Variants in PCDHGA2 observed in about 807,000 individuals in gnomAD.
PCDHGA2 encodes protocadherin gamma-A2.
A neutral mutation model predicts 59.2 loss-of-function variants in PCDHGA2; 40 were observed. The ratio of observed to expected loss-of-function variants is 0.68; its 90% CI spans 0.52 to 0.88. The LOEUF is 0.88. Among genes scored for constraint, PCDHGA2 ranks in the 40% least tolerant of loss-of-function variants. The pLI is 0.00. For missense variants in PCDHGA2, 1,226 were observed against 1,204.0 expected (o/e 1.02, Z -0.27); for synonymous variants, 560 against 526.0 (o/e 1.06, Z -0.89).
At chr5:141,422,618 A>G in intron 1 of PCDHGA2, 3 of 1,613,682 alleles carry the variant, frequency 1.9e-6, no homozygotes, top group Non-Finnish European at 2.5e-6. Flanking sequence ...TACATTCCCG[A>G]AAACAACCCC....
chr5:141,409,828 C>T (rs2154542180), intron 1 of PCDHGA2: 1 of 1,611,128 alleles, frequency 6.2e-7, no homozygotes, highest in Non-Finnish European at 8.5e-7. Flanking sequence ...CGCCCACGCT[C>T]AGCGCCAACG....
At chr5:141,484,300 C>G (rs927710366) in intron 1 of PCDHGA2, among the ~76,000 whole-genome samples, 1 of 152,190 alleles carries the variant, frequency 6.6e-6, no homozygotes, top group Non-Finnish European at 1.5e-5. Context: ...CTCCTGGCTT[C>G]CTCCACCCCG....
intron 1 of PCDHGA2, chr5:141,355,189 G>T (rs1414390153): frequency 6.3e-7 from 1 of 1,590,758 alleles, no homozygotes; most frequent in Non-Finnish European, 8.6e-7. Flanking sequence ...GCGACTCCGC[G>T]GCGGGGTTGT....
chr5:141,388,789 T>A (rs2091491529), intron 1 of PCDHGA2: 1 of 1,613,948 alleles, frequency 6.2e-7, no homozygotes, highest in Non-Finnish European at 8.5e-7. Context: ...ATTACTGTTT[T>A]AAATACATTA....
intron 1 of PCDHGA2, chr5:141,350,743 C>G (rs1342170939): frequency 6.2e-7 from 1 of 1,613,930 alleles, no homozygotes; most frequent in East Asian, 2.2e-5. Context: ...ATGTGGAAGG[C>G]AATTCACTGA....
chr5:141,406,976 A>G (rs773444464), intron 1 of PCDHGA2, among the ~76,000 whole-genome samples: 12 of 152,244 alleles, frequency 7.9e-5, no homozygotes, highest in Non-Finnish European at 1.8e-4. Flanking sequence ...AGTAAATAAC[A>G]TTTCACAAGA....
chr5:141,362,319 G>A (rs1561526450), intron 1 of PCDHGA2: 1 of 1,614,068 alleles, frequency 6.2e-7, no homozygotes, highest in Non-Finnish European at 8.5e-7. Flanking sequence ...ACTGTTTTCA[G>A]CCTGGTCTCA....
At chr5:141,377,524 G>A (rs574411289) in intron 1 of PCDHGA2, 3 of 151,920 alleles carry the variant, frequency 2.0e-5, no homozygotes, top group Admixed American at 6.6e-5. Context: ...TAAGTCCAGG[G>A]GTATGAGGCT....
At chr5:141,415,695 T>C (rs1284418994) in intron 1 of PCDHGA2, 1 of 1,537,350 alleles carries the variant, frequency 6.5e-7, no homozygotes, top group South Asian at 1.2e-5. Context: ...TGGTGGAAAG[T>C]GTAAATGCTA....
chr5:141,482,126 A>G (rs1235540230), intron 1 of PCDHGA2, among the ~76,000 whole-genome samples: 1 of 152,004 alleles, frequency 6.6e-6, no homozygotes, highest in Non-Finnish European at 1.5e-5. Flanking sequence ...TGGGAGAATC[A>G]TATGGCTGGC....
At position 141,432,834 on chromosome 5, in the gene PCDHGA2, A is replaced by G; in HGVS notation, c.2425-61973A>G. 6.2e-7 allele frequency: 1 copy of G among 1,614,082 alleles called. No homozygotes were observed. The highest frequency in any genetic ancestry group is 8.5e-7 in the Non-Finnish European group (1 of 1,179,978). ...TCTGAAACCTCAGACCTCACTCTGTACCTGGTGGTAGCGGTGGCCGCGGTC... is the reference window on the plus strand; with the variant it reads ...TCTGAAACCTCAGACCTCACTCTGTGCCTGGTGGTAGCGGTGGCCGCGGTC... On this transcript the variant is annotated intron_variant, in intron 1 of 3. Transcript: ENST00000394576. This position sits in a 1 kb window ranked among gnomAD's most constrained non-coding sequence, Gnocchi z 6.0.
chr5:141,491,702 T>A lies in PCDHGA2; in HGVS notation c.2425-3105T>A. The A allele has an allele frequency of 6.2e-7, 1 of 1,611,514 alleles. No homozygotes were observed. Among genetic ancestry groups the A allele is most frequent in the Non-Finnish European group, 8.5e-7 (1 of 1,178,984 alleles). ...AATACGCTGCGGGAGCGGAGCCAGG[T>A]GAGGGGCTCGGCGCCGCCCCGGGCG... On this transcript the variant is annotated intron_variant, in intron 1 of 3. Coordinates refer to ENST00000394576, the MANE Select transcript of PCDHGA2 (RefSeq NM_018915.4). The surrounding 1 kb of genome is among the most constrained non-coding windows in gnomAD (Gnocchi z 6.9).
intron 1 of PCDHGA2, chr5:141,355,527 T>G (rs763714281): frequency 6.2e-7 from 1 of 1,614,060 alleles, no homozygotes; most frequent in Non-Finnish European, 8.5e-7. Flanking sequence ...TGGAGATTCT[T>G]CTAGAAGATA....
chr5:141,462,599 T>TGG (rs2099043404), intron 1 of PCDHGA2, among the ~76,000 whole-genome samples: 1 of 152,208 alleles, frequency 6.6e-6, no homozygotes, highest in African/African-American at 2.4e-5. Context: ...CCATTTCATA[T>TGG]ATTGTATTTT....
chr5:141,431,225 C>A lies in PCDHGA2; in HGVS notation c.2425-63582C>A. On this transcript the variant is annotated intron_variant, in intron 1 of 3. Coordinates refer to ENST00000394576, the MANE Select transcript of PCDHGA2 (RefSeq NM_018915.4). The surrounding 1 kb of genome is among the most constrained non-coding windows in gnomAD (Gnocchi z 4.8). ...CACTGAGATGCGGTTCCCTCTACCC[C>A]ACGCCTGGGATCCGGATATCGGGAA... The A allele has an allele frequency of 1.2e-6, 2 of 1,614,118 alleles. No individual in the cohort carries two copies. The highest frequency in any genetic ancestry group is 1.7e-6 in the Non-Finnish European group (2 of 1,180,036).
intron 1 of PCDHGA2, chr5:141,417,490 T>C (rs1296739869): frequency 4.7e-6 from 1 of 210,618 alleles, no homozygotes; most frequent in Non-Finnish European, 9.3e-6. Context: ...AAGGAATCAC[T>C]GAGGAAAAAG....
chr5:141,398,804 C>T, intron 1 of PCDHGA2: 1 of 1,614,012 alleles, frequency 6.2e-7, no homozygotes, highest in Non-Finnish European at 8.5e-7. Context: ...AGCGGCACCA[C>T]TGAGCTCCGG....
intron 1 of PCDHGA2, among the ~76,000 whole-genome samples, chr5:141,472,590 C>G (rs1161871973): frequency 6.6e-6 from 1 of 151,908 alleles, no homozygotes; most frequent in African/African-American, 2.4e-5. Flanking sequence ...GTCAGAAGCT[C>G]TCTTGAAATT....
intron 1 of PCDHGA2, chr5:141,405,405 T>C (rs765108115): frequency 1.4e-5 from 22 of 1,588,008 alleles, no homozygotes; most frequent in Non-Finnish European, 1.9e-5. Context: ...TTTCTTTCTT[T>C]TCTTTTTTTG....
Sources: gnomAD v4.1 joint callset for allele counts (sites outside exome capture counted in the v4.1 genomes callset) on GRCh38, gnomAD v4.1.1 for gene constraint, Gnocchi (gnomAD v3.1) non-coding constraint, MANE v1.5 for transcripts, NCBI Gene and HGNC (gene_info 2026-07-23, HGNC 2026-07-21) for gene names.